The following RBFOX1 variants were observed in gnomAD, a reference collection of about 807,000 sequenced individuals.
RBFOX1 encodes RNA binding protein fox-1 homolog 1.
A neutral mutation model predicts 57.7 loss-of-function variants in RBFOX1; 8 were observed. The ratio of observed to expected loss-of-function variants is 0.14; its 90% CI spans 0.08 to 0.25. The LOEUF is 0.25. Among genes scored for constraint, RBFOX1 ranks in the 10% least tolerant of loss-of-function variants. RBFOX1 has a pLI of 1.00. For synonymous variants in RBFOX1, 326 were observed against 222.4 expected, an observed-to-expected ratio of 1.47 and a Z score of -4.15; for missense variants, 611 against 548.5, an observed-to-expected ratio of 1.11 and a Z score of -1.14.
intron 2 of RBFOX1, among the ~76,000 whole-genome samples, chr16:6,354,381 C>G (rs750019973): frequency 7.9e-5 from 12 of 152,194 alleles, no homozygotes; most frequent in Non-Finnish European, 1.8e-4. Flanking sequence ...GTTTCTTTGT[C>G]TGACCACTCA....
At chr16:6,821,682 A>G (rs1032396873) in intron 3 of RBFOX1, among the ~76,000 whole-genome samples, 13 of 152,204 alleles carry the variant, frequency 8.5e-5, no homozygotes, top group Non-Finnish European at 1.9e-4. Context: ...TAATGTTTGC[A>G]AGATTAATTC....
At chr16:5,443,142 A>G (rs545307271) in intron 1 of RBFOX1, among the ~76,000 whole-genome samples, 1 of 152,298 alleles carries the variant, frequency 6.6e-6, no homozygotes, top group Admixed American at 6.5e-5. Flanking sequence ...GAGAGAAAGA[A>G]TAAATTTCTG....
At chr16:7,130,658 T>C (rs2151963122) in intron 4 of RBFOX1, among the ~76,000 whole-genome samples, 1 of 152,314 alleles carries the variant, frequency 6.6e-6, no homozygotes, top group South Asian at 2.1e-4. Flanking sequence ...CTCCAGTGCC[T>C]TTTTACTTGA....
intron 1 of RBFOX1, among the ~76,000 whole-genome samples, chr16:6,080,684 C>G (rs1009875760): frequency 6.6e-6 from 1 of 152,146 alleles, no homozygotes; most frequent in Non-Finnish European, 1.5e-5. Context: ...ATGTACTCTT[C>G]TCTGAATGAA....
intron 1 of RBFOX1, chr16:5,365,969 C>T (rs1371856872): frequency 1.8e-5 from 9 of 495,376 alleles, no homozygotes; most frequent in Admixed American, 1.0e-4. Context: ...ATGAATCGTA[C>T]ATTGTGGAAG....
intron 2 of RBFOX1, among the ~76,000 whole-genome samples, chr16:5,584,903 T>C (rs1188878786): frequency 6.6e-6 from 1 of 151,986 alleles, no homozygotes; most frequent in Non-Finnish European, 1.5e-5. Context: ...AAATCTGTGG[T>C]TTTATATATT....
chr16:5,879,760 G>C (rs934163621), intron 4 of RBFOX1, among the ~76,000 whole-genome samples: 2 of 152,188 alleles, frequency 1.3e-5, no homozygotes, highest in African/African-American at 2.4e-5. Flanking sequence ...TGAGAGCTGG[G>C]GGTGGCTCTA....
intron 4 of RBFOX1, among the ~76,000 whole-genome samples, chr16:7,178,992 G>A (rs2082182861): frequency 6.6e-6 from 1 of 152,112 alleles, no homozygotes; most frequent in South Asian, 2.1e-4. Flanking sequence ...CAGTGCATAT[G>A]GCGGGTGATA....
chr16:7,197,998 C>CTTTTTTTTTTTTTTTT (rs945404947), intron 4 of RBFOX1, among the ~76,000 whole-genome samples: 6 of 55,594 alleles, frequency 1.1e-4, no homozygotes, highest in Non-Finnish European at 1.6e-4. Context: ...TTCTTTCTTT[C>CTTTTTTTTTTTTTTTT]TTTTTTTTTT....
intron 4 of RBFOX1, among the ~76,000 whole-genome samples, chr16:7,300,325 C>T (rs1342433914): frequency 1.3e-5 from 2 of 152,072 alleles, no homozygotes; most frequent in Non-Finnish European, 2.9e-5. Context: ...ATGAGATCAG[C>T]ACTAACTAAA....
At chr16:6,410,211 CA>C (rs1009065632) in intron 2 of RBFOX1, among the ~76,000 whole-genome samples, 2 of 135,940 alleles carry the variant, frequency 1.5e-5, no homozygotes, top group African/African-American at 5.9e-5. Context: ...TGTGCTGGTG[CA>C]TATGAATGTG....
At chr16:6,525,022 A>G (rs745883149) in intron 2 of RBFOX1, among the ~76,000 whole-genome samples, 5 of 152,190 alleles carry the variant, frequency 3.3e-5, no homozygotes, top group Non-Finnish European at 5.9e-5. Flanking sequence ...CTCTTAGTAC[A>G]GAGATCTTCA....
chr16:5,856,584 T>TGC (rs2057074084), intron 3 of RBFOX1, among the ~76,000 whole-genome samples: 4 of 73,076 alleles, frequency 5.5e-5, no homozygotes, highest in Non-Finnish European at 1.2e-4. Flanking sequence ...TGTATATATA[T>TGC]ATATATATAT....
chr16:7,212,195 T>C (rs1326548493), intron 4 of RBFOX1, among the ~76,000 whole-genome samples: 1 of 152,140 alleles, frequency 6.6e-6, no homozygotes, highest in Non-Finnish European at 1.5e-5. Context: ...TTGAGTGACA[T>C]AGGTCTTTTA....
Position 7,486,078 on chromosome 16 carries a change from A to G in RBFOX1, c.28-32069A>G, listed in dbSNP as rs1005268585. On this transcript the variant is annotated intron_variant, in intron 4 of 15. Coordinates refer to ENST00000550418, the MANE Select transcript of RBFOX1 (RefSeq NM_018723.4). ...TGTGCTACCACTTGGTGTGTTTGCA[A>G]CTTCACTGTGCTGTCTGTGGGTATT... Among the ~76,000 whole-genome samples the G allele has an allele frequency of 2.0e-5, 3 of 149,256 alleles. No homozygotes were observed. The East Asian group carries it at 5.9e-4, about 29-fold the overall frequency.
intron 4 of RBFOX1, among the ~76,000 whole-genome samples, chr16:7,403,302 C>T (rs1396483722): frequency 6.6e-6 from 1 of 152,058 alleles, no homozygotes; most frequent in Non-Finnish European, 1.5e-5. Flanking sequence ...TAATTGTAGT[C>T]ACCGTGCTAT....
At chr16:6,811,120 A>G (rs1018936717) in intron 3 of RBFOX1, among the ~76,000 whole-genome samples, 1 of 152,204 alleles carries the variant, frequency 6.6e-6, no homozygotes, top group Non-Finnish European at 1.5e-5. Context: ...AGAAAAGCCG[A>G]TTTTGCTGAG....
intron 3 of RBFOX1, among the ~76,000 whole-genome samples, chr16:6,940,807 TG>T (rs1405021367): frequency 8.1e-6 from 1 of 123,822 alleles, no homozygotes; most frequent in African/African-American, 3.4e-5. Flanking sequence ...TGTGTGTGTG[TG>T]TGTAGCTGGG....
rs1243022682 is a variant in RBFOX1 at position 6,019,843 on chromosome 16, G to T, written c.-276G>T. ...GCGCCAGGGCGGGGCTGACCTGCCCGCGAAGTTGCGGACAGTGCGTGAGAA... is the reference window on the plus strand; with the variant it reads ...GCGCCAGGGCGGGGCTGACCTGCCCTCGAAGTTGCGGACAGTGCGTGAGAA... On this transcript the variant is annotated 5_prime_UTR_variant, in exon 1 of 16. Transcript: ENST00000550418. The surrounding 1 kb of genome is among the most constrained non-coding windows in gnomAD (Gnocchi z 4.2). 1.6e-4 allele frequency: 244 copies of T among 1,524,566 alleles called. 2 individuals carry two copies. The highest frequency in any genetic ancestry group is 2.1e-4 in the Non-Finnish European group (237 of 1,140,358). The allele number at this position is 1,524,566 out of a possible 1,614,324, so 94.4% of individuals were successfully genotyped here. A position where few individuals can be genotyped will look rare whatever the true frequency, so the allele number is the denominator to read the frequency against.
Sources: allele counts gnomAD v4.1 joint callset (sites outside exome capture counted in the v4.1 genomes callset), GRCh38; gene constraint gnomAD v4.1.1; non-coding constraint Gnocchi (gnomAD v3.1); transcripts MANE v1.5; gene names NCBI Gene and HGNC (gene_info 2026-07-23, HGNC 2026-07-21).